Variants in VWC2L observed in about 807,000 individuals in gnomAD.
VWC2L encodes the protein von Willebrand factor C domain-containing protein 2-like.
Under a neutral mutation model 21.6 loss-of-function variants are expected in VWC2L, and 10 were observed. The observed-to-expected ratio is 0.46, with a 90% CI of 0.29 to 0.78. The LOEUF is 0.78. VWC2L is among the 30% of genes least tolerant of loss of function. The probability of loss-of-function intolerance (pLI) is 0.10; values close to 1 mark genes in which losing one functional copy is unlikely to be tolerated. For missense variants in VWC2L, 209 were observed against 277.1 expected, an observed-to-expected ratio of 0.75 and a Z score of 1.74; for synonymous variants, 96 against 94.3, an observed-to-expected ratio of 1.02 and a Z score of -0.10.
chr2:214,573,986 C>T (rs553610499), intron 3 of VWC2L, among the ~76,000 whole-genome samples: 1 of 152,178 alleles, frequency 6.6e-6, no homozygotes, highest in African/African-American at 2.4e-5. Flanking sequence ...ACTAAAAATA[C>T]AAAAAATTAG....
chr2:214,554,619 C>T (rs1322406463), intron 3 of VWC2L, among the ~76,000 whole-genome samples: 1 of 152,118 alleles, frequency 6.6e-6, no homozygotes, highest in Non-Finnish European at 1.5e-5. Flanking sequence ...GCCAAGATCA[C>T]GCCATTGCAC....
intron 3 of VWC2L, among the ~76,000 whole-genome samples, chr2:214,518,080 G>A (rs907068313): frequency 2.0e-5 from 3 of 152,062 alleles, no homozygotes; most frequent in Non-Finnish European, 4.4e-5. Context: ...GCAGGAGAAT[G>A]GCGTGAACTC....
chr2:214,531,749 A>G (rs1004909821), intron 3 of VWC2L, among the ~76,000 whole-genome samples: 3 of 152,258 alleles, frequency 2.0e-5, no homozygotes, highest in Non-Finnish European at 4.4e-5. Context: ...TATCAGTGGA[A>G]GCTACCGAGG....
intron 3 of VWC2L, among the ~76,000 whole-genome samples, chr2:214,572,314 A>AT (rs1690161647): frequency 6.6e-6 from 1 of 152,170 alleles, no homozygotes; most frequent in Non-Finnish European, 1.5e-5. Flanking sequence ...TTATTGAGTT[A>AT]TTCCTCCATC....
At chr2:214,571,617 GAC>G in intron 3 of VWC2L, among the ~76,000 whole-genome samples, 2 of 152,222 alleles carry the variant, frequency 1.3e-5, no homozygotes, top group South Asian at 4.1e-4. Flanking sequence ...ATATTTGTCA[GAC>G]ACAGTAGTAG....
chr2:214,447,108 C>G (rs901526691), intron 3 of VWC2L, among the ~76,000 whole-genome samples: 4 of 152,050 alleles, frequency 2.6e-5, no homozygotes, highest in African/African-American at 9.7e-5. Context: ...CTGGGATCAC[C>G]TTGGGAGTTG....
intron 3 of VWC2L, among the ~76,000 whole-genome samples, chr2:214,542,346 G>C (rs891419825): frequency 2.0e-5 from 3 of 152,200 alleles, no homozygotes; most frequent in African/African-American, 7.2e-5. Flanking sequence ...TGTTGTGCCT[G>C]TCTGGGGACT....
chr2:214,418,233 C>A (rs1230222207), intron 2 of VWC2L, among the ~76,000 whole-genome samples: 1 of 152,198 alleles, frequency 6.6e-6, no homozygotes, highest in Non-Finnish European at 1.5e-5. Flanking sequence ...AGAACAGTAA[C>A]TGTTGTCTGA....
chr2:214,464,996 G>A (rs1703194784), intron 3 of VWC2L, among the ~76,000 whole-genome samples: 1 of 151,942 alleles, frequency 6.6e-6, no homozygotes. Context: ...TCAGCGTGTG[G>A]TGGATCCTTC....
intron 3 of VWC2L, among the ~76,000 whole-genome samples, chr2:214,574,780 G>T (rs940045956): frequency 2.0e-5 from 3 of 151,852 alleles, no homozygotes; most frequent in Non-Finnish European, 4.4e-5. Context: ...TTGAATTTGG[G>T]AACTATAGTA....
chr2:214,429,863 G>C (rs1375888500), intron 2 of VWC2L, among the ~76,000 whole-genome samples: 1 of 151,712 alleles, frequency 6.6e-6, no homozygotes, highest in Non-Finnish European at 1.5e-5. Flanking sequence ...TTGCTCTGTT[G>C]TCCAGGCTGG....
chr2:214,477,869 G>A (rs4673832), intron 3 of VWC2L, among the ~76,000 whole-genome samples: 24,863 of 152,168 alleles, frequency 0.16, 2,109 homozygotes, highest in East Asian at 0.25. Flanking sequence ...TGTCACTTTT[G>A]TTCTGACGGT....
chr2:214,433,608 A>T (rs902500202), intron 2 of VWC2L, among the ~76,000 whole-genome samples: 1 of 152,230 alleles, frequency 6.6e-6, no homozygotes, highest in South Asian at 2.1e-4. Context: ...TGCTTAAGAT[A>T]TAAAGATTTA....
chr2:214,430,148 A>T lies in VWC2L; in HGVS notation c.391-6481A>T, dbSNP rs1702578616. On this transcript the variant is annotated intron_variant, in intron 2 of 3. Transcript: ENST00000312504. ...CAGGAAGAAAATAATTTTAGGAAAA[A>T]AAAAAATAGAACATTGATAAAATGT... is the stretch of plus-strand genomic sequence containing the variant. 1.3e-5 allele frequency among the ~76,000 whole-genome samples: 2 copies of T among 152,092 alleles called. 1 individual carries two copies. Among genetic ancestry groups the T allele is most frequent in the African/African-American group, 4.8e-5 (2 of 41,422 alleles).
intron 3 of VWC2L, among the ~76,000 whole-genome samples, chr2:214,545,137 C>A (rs1689685876): frequency 6.6e-6 from 1 of 151,994 alleles, no homozygotes; most frequent in Non-Finnish European, 1.5e-5. Context: ...GCATATAAAA[C>A]TTCGAAGGAT....
chr2:214,544,654 G>A (rs967575040), intron 3 of VWC2L, among the ~76,000 whole-genome samples: 1 of 152,076 alleles, frequency 6.6e-6, no homozygotes, highest in African/African-American at 2.4e-5. Context: ...TTTGAAATGA[G>A]CCTTGGGAAA....
At chr2:214,540,244 T>G (rs531850187) in intron 3 of VWC2L, among the ~76,000 whole-genome samples, 3 of 152,264 alleles carry the variant, frequency 2.0e-5, no homozygotes, top group African/African-American at 7.2e-5. Context: ...ATATTTAACT[T>G]TTATCGAGTA....
chr2:214,414,079 A>T, intron 1 of VWC2L, 35 bp from the exon 2 acceptor site: 8 of 1,161,038 alleles, frequency 6.9e-6, no homozygotes, highest in Non-Finnish European at 8.3e-6. Flanking sequence ...CACTTTATAT[A>T]TGTCAAATTA....
At chr2:214,487,850 G>C (rs539606750) in intron 3 of VWC2L, among the ~76,000 whole-genome samples, 2 of 152,066 alleles carry the variant, frequency 1.3e-5, no homozygotes, top group Non-Finnish European at 2.9e-5. Flanking sequence ...TCAAATGATG[G>C]GGCTTTATTA....
Sources: allele counts gnomAD v4.1 joint callset (sites outside exome capture counted in the v4.1 genomes callset), GRCh38; gene constraint gnomAD v4.1.1; transcripts MANE v1.5; gene names NCBI Gene and HGNC (gene_info 2026-07-23, HGNC 2026-07-21).